Variants in SEC24A observed in about 807,000 individuals in gnomAD.
SEC24A encodes the protein SEC24 homolog A, COPII component.
A neutral mutation model predicts 129.4 loss-of-function variants in SEC24A; 93 were observed. The ratio of observed to expected loss-of-function variants is 0.72; its 90% CI spans 0.61 to 0.85. SEC24A has a LOEUF of 0.85. Ranked by LOEUF, SEC24A falls within the 40% of genes least tolerant of loss-of-function variation. The pLI, the probability that SEC24A is intolerant of heterozygous loss-of-function variation, is 0.00. For synonymous variants in SEC24A, 460 were observed against 467.3 expected (o/e 0.98, Z 0.20); for missense variants, 1,264 against 1,307.4 (o/e 0.97, Z 0.51).
At chr5:134,678,973 C>G (rs905740972) in intron 7 of SEC24A, among the ~76,000 whole-genome samples, 12 of 151,968 alleles carry the variant, frequency 7.9e-5, no homozygotes, top group African/African-American at 2.9e-4. Context: ...CCTTGGCCTC[C>G]CACCAGAGTG....
intron 1 of SEC24A, among the ~76,000 whole-genome samples, chr5:134,659,272 C>T (rs2150070655): frequency 6.6e-6 from 1 of 152,010 alleles, no homozygotes; most frequent in South Asian, 2.1e-4. Flanking sequence ...TGGGGTTTCA[C>T]CATGTTAGCC....
intron 11 of SEC24A, among the ~76,000 whole-genome samples, chr5:134,691,793 T>G (rs1176907450): frequency 2.6e-5 from 4 of 152,038 alleles, no homozygotes; most frequent in Non-Finnish European, 4.4e-5. Flanking sequence ...CCGACCTTCT[T>G]TATGAGAAAG....
intron 21 of SEC24A, among the ~76,000 whole-genome samples, chr5:134,721,766 C>T (rs1007949929): frequency 2.0e-4 from 31 of 151,890 alleles, no homozygotes; most frequent in South Asian, 1.7e-3. Context: ...TAGCTACTTA[C>T]GAGGCTGAAA....
rs948633275 is a variant in SEC24A at position 134,670,849 on chromosome 5, C to T, written c.740-960C>T. ...CTAAAATACAAAAACATTAGCCAGG[C>T]GTGGTGACGGGCACATGTAGTCCCA... is the stretch of plus-strand genomic sequence containing the variant. On this transcript the variant is annotated intron_variant, in intron 3 of 22. Transcript: ENST00000398844. 3.3e-5 allele frequency among the ~76,000 whole-genome samples: 5 copies of T among 151,926 alleles called. No individual in the cohort carries two copies. The South Asian group carries it at 1.0e-3, about 32-fold the overall frequency.
At chr5:134,714,896 T>G in intron 18 of SEC24A, 128 bp from the exon 19 acceptor site, 1 of 930,786 alleles carries the variant, frequency 1.1e-6, no homozygotes, top group Non-Finnish European at 1.6e-6. Context: ...AAAAGATACT[T>G]TAAAAAAATT....
At chr5:134,721,539 G>GC (rs1752627507) in intron 21 of SEC24A, among the ~76,000 whole-genome samples, 1 of 142,098 alleles carries the variant, frequency 7.0e-6, no homozygotes, top group Non-Finnish European at 1.5e-5. Context: ...CTCCAGCCTG[G>GC]CAACAGAGTG....
chr5:134,700,649 T>A (rs941960886), intron 15 of SEC24A, among the ~76,000 whole-genome samples: 2 of 151,672 alleles, frequency 1.3e-5, no homozygotes, highest in Admixed American at 1.3e-4. Context: ...GATGAAGGTC[T>A]CTCTTATCTA....
At position 134,718,011 on chromosome 5, in the gene SEC24A, A is replaced by G. The variant is rs1009547038; in HGVS notation, c.2866-58A>G. The G allele has an allele frequency of 2.7e-4, 360 of 1,311,080 alleles. 1 individual carries two copies. Among genetic ancestry groups the G allele is most frequent in the Admixed American group, 1.5e-4 (9 of 58,448 alleles). 81.2% of individuals were successfully genotyped at this position (1,311,080 alleles called of 1,614,324 possible). On this transcript the variant is annotated intron_variant, in intron 19 of 22. Transcript: ENST00000398844. The stretch of plus-strand genomic sequence containing the variant: ...TTCATTTAATTTTTTGTTGTTGTTT[A>G]ACTGTGACTCCATATTTCCTATATT...
At chr5:134,680,880 C>T (rs1404079201) in intron 8 of SEC24A, among the ~76,000 whole-genome samples, 1 of 152,096 alleles carries the variant, frequency 6.6e-6, no homozygotes, top group Non-Finnish European at 1.5e-5. Context: ...CGGTGGATCA[C>T]CTGAGGTCAG....
intron 2 of SEC24A, among the ~76,000 whole-genome samples, chr5:134,664,983 A>G (rs1750607815): frequency 2.0e-5 from 3 of 150,524 alleles, no homozygotes. Context: ...TATTTTTAGT[A>G]GAAACGGGGT....
chr5:134,698,831 C>T (rs1004440937), intron 15 of SEC24A, among the ~76,000 whole-genome samples: 3 of 151,926 alleles, frequency 2.0e-5, no homozygotes, highest in Admixed American at 6.6e-5. Context: ...CAGGGTTACA[C>T]CATGTTGGCC....
chr5:134,676,010 T>C lies in SEC24A; in HGVS notation c.1152-13T>C. 8 of 1,570,316 alleles carry C rather than the reference T, an allele frequency of 5.1e-6. No homozygotes were observed. Among genetic ancestry groups the C allele is most frequent in the Non-Finnish European group, 6.9e-6 (8 of 1,159,792 alleles). On this transcript the variant is annotated splice_polypyrimidine_tract_variant and intron_variant, in intron 6 of 22. Transcript: ENST00000398844. ...ATAGCAGCAACTGATACATACTTTT[T>C]ACTTTGATATAGGTTATTTCGATGC...
At chr5:134,651,725 A>G (rs568104761) in intron 1 of SEC24A, among the ~76,000 whole-genome samples, 65 of 152,060 alleles carry the variant, frequency 4.3e-4, no homozygotes, top group Non-Finnish European at 7.4e-5. Flanking sequence ...CAGCCTTCCA[A>G]AGTGCTGGGA....
At chr5:134,713,498 T>C (rs1328120994) in intron 18 of SEC24A, among the ~76,000 whole-genome samples, 4 of 151,962 alleles carry the variant, frequency 2.6e-5, no homozygotes, top group African/African-American at 9.7e-5. Context: ...AGGACAAGGA[T>C]TTTTATCTTT....
intron 13 of SEC24A, 112 bp from the exon 14 acceptor site, chr5:134,697,012 GCC>G (rs1751847108): frequency 1.7e-6 from 1 of 573,156 alleles, no homozygotes. Flanking sequence ...TTTGTAGAAT[GCC>G]CAGAAATAAT....
At chr5:134,675,358 GTTTACTTAATAGAGA>G in intron 6 of SEC24A, 141 bp downstream of exon 6, 1 of 630,132 alleles carries the variant, frequency 1.6e-6, no homozygotes, top group South Asian at 3.2e-5. Flanking sequence ...TCTTTTACTT[GTTTACTTAATAGAGA>G]TTTGAAAAGT....
At chr5:134,668,315 G>T (rs868520550) in intron 3 of SEC24A, among the ~76,000 whole-genome samples, 1 of 151,990 alleles carries the variant, frequency 6.6e-6, no homozygotes, top group African/African-American at 2.4e-5. Flanking sequence ...AAGGCCGGGC[G>T]TGGTGGCTCA....
At chr5:134,671,664 TGG>T (rs1750868052) in intron 3 of SEC24A, 143 bp from the exon 4 acceptor site, 2 of 510,064 alleles carry the variant, frequency 3.9e-6, no homozygotes, top group African/African-American at 4.0e-5. Context: ...TGTAAAAACT[TGG>T]ATTTTTTATG....
In SEC24A at chr5:134,674,699, A is replaced by AC; in HGVS notation, c.903dup (p.Thr302HisfsTer31). 4 of 1,614,104 alleles carry AC rather than the reference A, an allele frequency of 2.5e-6. No homozygotes were observed. Among genetic ancestry groups the AC allele is most frequent in the Non-Finnish European group, 3.4e-6 (4 of 1,179,950 alleles). ...CCCTCCTTACCACCTGGTTATCAGA[A>AC]CACAACACCACCTGGTGCAACTGGA... On this transcript the variant is annotated frameshift_variant, in exon 5 of 23. Transcript: ENST00000398844. LOFTEE classifies it high-confidence loss of function.
Sources: gnomAD v4.1 joint callset for allele counts (sites outside exome capture counted in the v4.1 genomes callset) on GRCh38, gnomAD v4.1.1 for gene constraint, MANE v1.5 for transcripts, NCBI Gene and HGNC (gene_info 2026-07-23, HGNC 2026-07-21) for gene names.